Variants in DEGS1 observed in about 807,000 individuals in gnomAD.
The protein encoded by DEGS1 is delta 4-desaturase, sphingolipid 1.
In DEGS1, 17 loss-of-function variants were observed where a neutral mutation model predicts 24.1. The observed-to-expected ratio is 0.70, with a 90% confidence interval of 0.48 to 1.06. The LOEUF is 1.06. Ranked by LOEUF, DEGS1 falls within the 50% of genes least tolerant of loss-of-function variation. DEGS1 has a pLI of 0.00. For synonymous variants in DEGS1, 134 were observed against 140.0 expected (o/e 0.96, Z 0.30); for missense variants, 366 against 408.9 (o/e 0.90, Z 0.91).
chr1:224,186,788 G>T (rs927613103), intron 1 of DEGS1, among the ~76,000 whole-genome samples: 4 of 151,848 alleles, frequency 2.6e-5, no homozygotes, highest in Non-Finnish European at 5.9e-5. Context: ...TTCCATGCAG[G>T]TGTAAATACT....
rs534949056 is a variant in DEGS1, at chr1:224,192,169, C to T, written c.826-163C>T. ...TGTAGACTGCTTTTTGTTTAGAATT[C>T]CCACAGCTGCTGCTGCTGCTGCTTT... On this transcript the variant is annotated intron_variant, in intron 2 of 2. Coordinates refer to ENST00000323699, the MANE Select transcript of DEGS1 (RefSeq NM_003676.4). 2.7e-5 allele frequency among the ~76,000 whole-genome samples: 4 copies of T among 150,808 alleles called. No individual in the cohort carries two copies. In the East Asian group the frequency reaches 5.8e-4, roughly 22 times the overall value.
chr1:224,189,988 T>C lies in DEGS1; in HGVS notation c.494T>C (p.Leu165Pro). ...TAFRKFIWVILQPLFYAFRPL... is the reference protein window; with the variant it reads ...TAFRKFIWVIPQPLFYAFRPL... ...TTCAGAAAGTTTATATGGGTTATTC[T>C]TCAGCCTCTCTTTTATGCCTTTCGA... is the stretch of plus-strand genomic sequence containing the variant. Residue 165 changes from leucine to proline, a missense_variant, in exon 2 of 3, where the codon CTT becomes CCT. Transcript: ENST00000323699. The C allele has an allele frequency of 6.2e-7, 1 of 1,614,260 alleles. No individual in the cohort carries two copies. Among genetic ancestry groups the C allele is most frequent in the South Asian group, 1.1e-5 (1 of 91,084 alleles).
intron 1 of DEGS1, among the ~76,000 whole-genome samples, chr1:224,184,806 G>A (rs575602418): frequency 6.6e-6 from 1 of 151,886 alleles, no homozygotes; most frequent in Admixed American, 6.6e-5. Context: ...GTGAACCACC[G>A]TGCCCGGCCA....
In DEGS1 at chr1:224,192,624, C is replaced by A. The variant is rs2102658798; in HGVS notation, c.*146C>A. 1.4e-6 allele frequency: 1 copy of A among 730,608 alleles called. No homozygotes were observed. The highest frequency in any genetic ancestry group is 1.8e-5 in the South Asian group (1 of 54,612). The allele number at this position is 730,608 out of a possible 1,614,324, so 45.3% of individuals were successfully genotyped here. A position where few individuals can be genotyped will look rare whatever the true frequency, so the allele number is the denominator to read the frequency against. ...AGCTCGGTGATACCAAGAAGTGAAT[C>A]TGGCTTTTAAACAGTCAGCCTGACT... On this transcript the variant is annotated 3_prime_UTR_variant, in exon 3 of 3. Transcript: ENST00000323699.
intron 1 of DEGS1, among the ~76,000 whole-genome samples, chr1:224,184,433 T>A (rs1658321175): frequency 6.6e-6 from 1 of 152,134 alleles, no homozygotes; most frequent in South Asian, 2.1e-4. Flanking sequence ...CTAATGCGCA[T>A]TCGGTTGCCT....
intron 2 of DEGS1, among the ~76,000 whole-genome samples, chr1:224,191,675 A>G (rs1042677127): frequency 1.3e-4 from 17 of 132,542 alleles, no homozygotes. Context: ...GCTCACTGCA[A>G]CCTCCGCCTC....
At chr1:224,190,416 G>GA in intron 2 of DEGS1, 97 bp downstream of exon 2, 1 of 1,144,368 alleles carries the variant, frequency 8.7e-7, no homozygotes, top group Non-Finnish European at 1.2e-6. Context: ...GGCGGGCAGT[G>GA]GCACGATCTC....
At chr1:224,183,716 C>G in intron 1 of DEGS1, 1 of 265,444 alleles carries the variant, frequency 3.8e-6, no homozygotes, top group Non-Finnish European at 7.1e-6. Flanking sequence ...CCGGTTGGGG[C>G]GAAGGGTGTC....
Position 224,183,328 on chromosome 1 carries a change from G to C in DEGS1, c.-9G>C. On this transcript the variant is annotated 5_prime_UTR_variant, in exon 1 of 3. Coordinates refer to ENST00000323699, the MANE Select transcript of DEGS1 (RefSeq NM_003676.4). ...GCCGACAGCTAGTCTGCAAGCCACC[G>C]CTGTCGCCATGGGGAGCCGCGTCTC... 1.4e-6 allele frequency: 2 copies of C among 1,479,970 alleles called. No individual in the cohort carries two copies. Among genetic ancestry groups the C allele is most frequent in the Non-Finnish European group, 1.8e-6 (2 of 1,113,436 alleles). 91.7% of individuals were successfully genotyped at this position (1,479,970 alleles called of 1,614,324 possible). A position where few individuals can be genotyped will look rare whatever the true frequency, so the allele number is the denominator to read the frequency against.
At position 224,192,557 on chromosome 1, in the gene DEGS1, C is replaced by G; in HGVS notation, c.*79C>G. The G allele has an allele frequency of 7.3e-7, 1 of 1,368,572 alleles. No individual in the cohort carries two copies. Among genetic ancestry groups the G allele is most frequent in the South Asian group, 1.3e-5 (1 of 75,536 alleles). The allele number at this position is 1,368,572 out of a possible 1,614,324, so 84.8% of individuals were successfully genotyped here. Reference sequence around the variant, plus strand: ...ATTTTTGCATTATTAAACTTGAGACCAGTGATGCTCAGAAGCTCCCCTGGC... The same window carrying G: ...ATTTTTGCATTATTAAACTTGAGACGAGTGATGCTCAGAAGCTCCCCTGGC... On this transcript the variant is annotated 3_prime_UTR_variant, in exon 3 of 3. Transcript: ENST00000323699.
chr1:224,183,435 GC>G lies in DEGS1; in HGVS notation c.82+21del. Reference sequence around the variant, plus strand: ...AGATCCTGGGTGAGGGCCAGCGGGCGCCCCGTTATGTGCGTGCGTGGCCTCC... The same window carrying G: ...AGATCCTGGGTGAGGGCCAGCGGGCGCCCGTTATGTGCGTGCGTGGCCTCC... On this transcript the variant is annotated intron_variant, in intron 1 of 2. Coordinates refer to ENST00000323699, the MANE Select transcript of DEGS1 (RefSeq NM_003676.4). 2.2e-6 allele frequency: 3 copies of G among 1,378,022 alleles called. No homozygotes were observed. The highest frequency in any genetic ancestry group is 2.8e-6 in the Non-Finnish European group (3 of 1,055,868). 85.4% of individuals were successfully genotyped at this position (1,378,022 alleles called of 1,614,324 possible).
In DEGS1 at chr1:224,190,210, G is replaced by T; in HGVS notation, c.716G>T (p.Gly239Val). 1.3e-6 allele frequency: 2 copies of T among 1,532,818 alleles called. No homozygotes were observed. The highest frequency in any genetic ancestry group is 1.3e-5 in the South Asian group (1 of 75,792). 95.0% of individuals were successfully genotyped at this position (1,532,818 alleles called of 1,614,324 possible). Reference sequence around the variant, plus strand: ...GCTGAGCATTACATGTTCTTAAAGGGTCATGAAACTTACTCATATTATGGG... The same window carrying T: ...GCTGAGCATTACATGTTCTTAAAGGTTCATGAAACTTACTCATATTATGGG... ...FIAEHYMFLKGHETYSYYGPL... is the reference protein window; with the variant it reads ...FIAEHYMFLKVHETYSYYGPL... The change falls in exon 2 of 3, where the codon GGT becomes GTT. Residue 239 changes from glycine to valine, a missense_variant. Gly to Val is a moderately radical substitution (Grantham distance 109). Coordinates refer to ENST00000323699, the MANE Select transcript of DEGS1 (RefSeq NM_003676.4).
chr1:224,187,438 G>C (rs1443156956), intron 1 of DEGS1, among the ~76,000 whole-genome samples: 1 of 152,156 alleles, frequency 6.6e-6, no homozygotes, highest in African/African-American at 2.4e-5. Flanking sequence ...GCAGTGGTGT[G>C]ATCATAAATT....
In DEGS1 at chr1:224,189,132, T is replaced by C. The variant is rs189250643; in HGVS notation, c.83-445T>C. On this transcript the variant is annotated intron_variant, in intron 1 of 2. Transcript: ENST00000323699. ...TATACTATTACAATTTTGGGAAAAT[T>C]CAGTACAGAATTACTTGGAGCATGT... 1.1e-3 allele frequency among the ~76,000 whole-genome samples: 160 copies of C among 152,314 alleles called. 2 individuals carry two copies. Among genetic ancestry groups the C allele is most frequent in the Admixed American group, 7.6e-3 (116 of 15,282 alleles).
Position 224,189,884 on chromosome 1 carries a change from T to A in DEGS1, c.390T>A (p.Asp130Glu), listed in dbSNP as rs1453469221. ...TTTCCTTTAAGAGGTATCACATGGA[T>A]CATCATCGGTACCTTGGAGCTGATG... ...YSISFKRYHM[D>E]HHRYLGADGV... The change falls in exon 2 of 3, where the codon GAT (aspartate) becomes GAA (glutamate). Residue 130 changes from aspartate (D) to glutamate (E), a missense_variant. Asp to Glu is a conservative substitution (Grantham distance 45). Transcript: ENST00000323699. The A allele has an allele frequency of 6.2e-7, 1 of 1,614,198 alleles. No homozygotes were observed. Among genetic ancestry groups the A allele is most frequent in the Middle Eastern group, 1.6e-4 (1 of 6,062 alleles).
At chr1:224,184,586 G>A (rs1255127373) in intron 1 of DEGS1, among the ~76,000 whole-genome samples, 18 of 151,940 alleles carry the variant, frequency 1.2e-4, no homozygotes, top group African/African-American at 4.4e-4. Flanking sequence ...ATCTCCACTC[G>A]CTGCAACCTC....
chr1:224,184,499 TGTTTTTTGTTTG>T (rs988378092), intron 1 of DEGS1, among the ~76,000 whole-genome samples: 2 of 93,028 alleles, frequency 2.1e-5, no homozygotes, highest in Admixed American at 1.3e-4. Flanking sequence ...TGCACGTGTT[TGTTTTTTGTTTG>T]TTTGTTTGTT....
Position 224,185,386 on chromosome 1 carries a change from C to T in DEGS1, c.82+1968C>T, listed in dbSNP as rs1434634397. ...TTGCTTTGTTGCCCAAGCTGGAGTG[C>T]GGTGGTTGTTCACAGGCATGATGAT... is the stretch of plus-strand genomic sequence containing the variant. On this transcript the variant is annotated intron_variant, in intron 1 of 2. Transcript: ENST00000323699. 2.0e-5 allele frequency among the ~76,000 whole-genome samples: 3 copies of T among 152,174 alleles called. 1 individual carries two copies. The highest frequency in any genetic ancestry group is 4.1e-4 in the South Asian group (2 of 4,828).
chr1:224,184,843 A>G (rs771902528), intron 1 of DEGS1, among the ~76,000 whole-genome samples: 121 of 151,910 alleles, frequency 8.0e-4, no homozygotes, highest in Non-Finnish European at 1.3e-3. Flanking sequence ...ACCTCTGTTG[A>G]GGAAACGGGG....
Sources: gnomAD v4.1 joint callset for allele counts (sites outside exome capture counted in the v4.1 genomes callset) on GRCh38, gnomAD v4.1.1 for gene constraint, MANE v1.5 for transcripts, NCBI Gene and HGNC (gene_info 2026-07-23, HGNC 2026-07-21) for gene names.